The following NEO1 variants were observed in gnomAD, a reference collection of about 807,000 sequenced individuals.
NEO1 encodes neogenin.
NEO1 carries 63 observed loss-of-function variants against 159.7 expected under a neutral mutation model. The ratio of observed to expected loss-of-function variants is 0.39; its 90% CI spans 0.32 to 0.49. NEO1 has a LOEUF of 0.49. Among genes scored for constraint, NEO1 ranks in the 20% least tolerant of loss-of-function variants. The pLI, the probability that NEO1 is intolerant of heterozygous loss-of-function variation, is 0.85. For missense variants in NEO1, 1,615 were observed against 1,831.0 expected (o/e 0.88, Z 2.15); for synonymous variants, 633 against 662.0 (o/e 0.96, Z 0.67).
At chr15:73,153,510 C>G (rs1310876537) in intron 5 of NEO1, among the ~76,000 whole-genome samples, 1 of 152,194 alleles carries the variant, frequency 6.6e-6, no homozygotes, top group Non-Finnish European at 1.5e-5. Flanking sequence ...TACCTGAAAT[C>G]TGGGTCAAAG....
chr15:73,237,934 C>T (rs1185075515), intron 8 of NEO1, among the ~76,000 whole-genome samples: 1 of 152,206 alleles, frequency 6.6e-6, no homozygotes, highest in Admixed American at 6.5e-5. Context: ...ATTTTCCTCA[C>T]ATGAGTTACA....
In NEO1 at chr15:73,273,860, G is replaced by GGAAACA; in HGVS notation, c.3016_3017insAAACAG (p.Trp1005_Val1006insGluThr). On this transcript the variant is annotated inframe_insertion, in exon 20 of 29. Transcript: ENST00000261908. ...ATGTGAATGCAGAGATACATGACTG[G>GGAAACA]GTTATTGAGCCTGTTGTGGGAAACA... The GGAAACA allele has an allele frequency of 6.2e-7, 1 of 1,614,106 alleles. No homozygotes were observed. The highest frequency in any genetic ancestry group is 8.5e-7 in the Non-Finnish European group (1 of 1,179,990).
At chr15:73,056,336 A>C (rs2067695054) in intron 1 of NEO1, among the ~76,000 whole-genome samples, 1 of 152,178 alleles carries the variant, frequency 6.6e-6, no homozygotes, top group Admixed American at 6.5e-5. Context: ...ATTTTTCTCT[A>C]CCAGCTTTCT....
Position 73,254,751 on chromosome 15 carries a change from C to G in NEO1, c.2014C>G (p.Arg672Gly). The change falls in exon 13 of 29, where the codon CGC becomes GGC. Residue 672 changes from arginine (R) to glycine (G), a missense_variant. This residue lies in a region of NEO1 where 1,018 missense variants were observed against 1,115.4 expected (regional missense o/e 0.91). Coordinates refer to ENST00000261908, the MANE Select transcript of NEO1 (RefSeq NM_002499.4). The part of the protein sequence containing the change: ...QNGQITGYKI[R>G]YRKASRKSDV... Reference sequence around the variant, plus strand: ...TGGGCAGATTACTGGCTACAAGATTCGCTACCGAAAGGCCTCCCGAAAGAG... The same window carrying G: ...TGGGCAGATTACTGGCTACAAGATTGGCTACCGAAAGGCCTCCCGAAAGAG... The G allele has an allele frequency of 1.2e-6, 2 of 1,614,058 alleles. No homozygotes were observed. Among genetic ancestry groups the G allele is most frequent in the Non-Finnish European group, 1.7e-6 (2 of 1,179,982 alleles).
At position 73,260,398 on chromosome 15, in the gene NEO1, T is replaced by C. The variant is rs2040569436; in HGVS notation, c.2331T>C (p.Ile777=). 1.9e-6 allele frequency: 3 copies of C among 1,613,946 alleles called. No individual in the cohort carries two copies. Among genetic ancestry groups the C allele is most frequent in the Non-Finnish European group, 2.5e-6 (3 of 1,179,976 alleles). ...GAGGTTACGCCATTGGTTATGGCAT[T>C]GGCAGCCCTCATGCCCAGACCATCA... ...VVRGYAIGYG[I]GSPHAQTIKV... is the part of the protein sequence containing the mutation. The change falls in exon 15 of 29, where the codon ATT becomes ATC. Residue 777 remains isoleucine (I), a synonymous_variant. Coordinates refer to ENST00000261908, the MANE Select transcript of NEO1 (RefSeq NM_002499.4).
intron 1 of NEO1, among the ~76,000 whole-genome samples, chr15:73,095,716 T>G (rs1260028178): frequency 6.6e-6 from 1 of 152,084 alleles, no homozygotes; most frequent in Non-Finnish European, 1.5e-5. Flanking sequence ...TCAACAGATT[T>G]GACCATTTCA....
chr15:73,195,257 G>A (rs1295144801), intron 7 of NEO1, among the ~76,000 whole-genome samples: 3 of 152,318 alleles, frequency 2.0e-5, no homozygotes, highest in Non-Finnish European at 1.5e-5. Context: ...AAGGAAGATA[G>A]TATGTCTGAA....
rs1467977449 is a variant in NEO1 at position 73,299,788 on chromosome 15, A to G, written c.4165+1177A>G. On this transcript the variant is annotated intron_variant, in intron 27 of 28. Transcript: ENST00000261908. ...TAATAGAAGACAGCTGGATTTTCCTATCTGCTTCTGCATTCAATCTGTTGC... is the reference window on the plus strand; with the variant it reads ...TAATAGAAGACAGCTGGATTTTCCTGTCTGCTTCTGCATTCAATCTGTTGC... 5 of 152,358 alleles carry G rather than the reference A, an allele frequency of 3.3e-5. No individual in the cohort carries two copies. The South Asian group carries it at 8.3e-4, about 25-fold the overall frequency. 9.4% of individuals were successfully genotyped at this position (152,358 alleles called of 1,614,324 possible).
At chr15:73,296,203 C>T (rs1330548761) in intron 26 of NEO1, among the ~76,000 whole-genome samples, 1 of 152,138 alleles carries the variant, frequency 6.6e-6, no homozygotes, top group Non-Finnish European at 1.5e-5. Context: ...GGCCGGTTTG[C>T]CCAGAGCTGA....
intron 22 of NEO1, among the ~76,000 whole-genome samples, chr15:73,281,570 T>A (rs898681102): frequency 1.5e-4 from 23 of 152,142 alleles, no homozygotes; most frequent in African/African-American, 4.6e-4. Flanking sequence ...GATTTTTTTT[T>A]AAAACACACA....
intron 5 of NEO1, among the ~76,000 whole-genome samples, chr15:73,142,941 G>T (rs189216489): frequency 3.3e-5 from 5 of 152,120 alleles, no homozygotes; most frequent in South Asian, 2.1e-4. Flanking sequence ...AAACTAGATC[G>T]AAAAGACTGA....
In NEO1 at chr15:73,135,761, T is replaced by C. The variant is rs943882570; in HGVS notation, c.879-130T>C. Reference sequence around the variant, plus strand: ...AAATTCTGGTAATTTTATATTAGTCTTGGTTCATCTATAGCTATATAAATA... The same window carrying C: ...AAATTCTGGTAATTTTATATTAGTCCTGGTTCATCTATAGCTATATAAATA... On this transcript the variant is annotated intron_variant, in intron 4 of 28. Transcript: ENST00000261908. 10 of 796,042 alleles carry C rather than the reference T, an allele frequency of 1.3e-5. No individual in the cohort carries two copies. In the Admixed American group the frequency reaches 4.0e-4, roughly 32 times the overall value. 49.3% of individuals were successfully genotyped at this position (796,042 alleles called of 1,614,324 possible). A position where few individuals can be genotyped will look rare whatever the true frequency, so the allele number is the denominator to read the frequency against.
intron 10 of NEO1, 32 bp downstream of exon 10, chr15:73,249,240 A>C: frequency 1.2e-6 from 2 of 1,610,048 alleles, no homozygotes; most frequent in Non-Finnish European, 1.7e-6. Context: ...CAAACCATTG[A>C]TTGGAATAGT....
intron 5 of NEO1, among the ~76,000 whole-genome samples, chr15:73,175,963 G>T (rs760598853): frequency 6.6e-6 from 1 of 152,104 alleles, no homozygotes; most frequent in Non-Finnish European, 1.5e-5. Flanking sequence ...CTAATGTGAC[G>T]TTTATTTTAC....
In NEO1 at chr15:73,175,157, A is replaced by G. The variant is rs542564024; in HGVS notation, c.1016-1246A>G. ...TAAATAAATCTGTCTCTACTCACAT[A>G]CAAGCATGATTGTCTATGTAGATAA... On this transcript the variant is annotated intron_variant, in intron 5 of 28. Coordinates refer to ENST00000261908, the MANE Select transcript of NEO1 (RefSeq NM_002499.4). 9.0e-4 allele frequency among the ~76,000 whole-genome samples: 137 copies of G among 152,322 alleles called. 1 individual carries two copies. Among genetic ancestry groups the G allele is most frequent in the African/African-American group, 3.2e-3 (132 of 41,566 alleles).
chr15:73,056,259 ATGC>A (rs1316590433), intron 1 of NEO1, among the ~76,000 whole-genome samples: 1 of 152,210 alleles, frequency 6.6e-6, no homozygotes, highest in Non-Finnish European at 1.5e-5. Flanking sequence ...GCCTTTGCAC[ATGC>A]TGTTCTTTCT....
Position 73,270,089 on chromosome 15 carries a change from G to C in NEO1, c.2574G>C (p.Val858=). The change falls in exon 17 of 29, where the codon GTG becomes GTC. Residue 858 remains valine (V), a synonymous_variant. Coordinates refer to ENST00000261908, the MANE Select transcript of NEO1 (RefSeq NM_002499.4). The part of the protein sequence containing the change: ...VPDPTPMMPP[V]GVQASILSHD... ...ATCCCACTCCCATGATGCCACCAGT[G>C]GGAGTTCAGGCTTCCATTCTGAGTC... 1.2e-6 allele frequency: 2 copies of C among 1,614,126 alleles called. No individual in the cohort carries two copies. Among genetic ancestry groups the C allele is most frequent in the Non-Finnish European group, 1.7e-6 (2 of 1,180,022 alleles).
chr15:73,173,639 T>A (rs1319204568), intron 5 of NEO1, among the ~76,000 whole-genome samples: 1 of 152,208 alleles, frequency 6.6e-6, no homozygotes, highest in Non-Finnish European at 1.5e-5. Flanking sequence ...AGAGAACTTA[T>A]AAATTTTACC....
chr15:73,259,984 T>C (rs375422334), intron 14 of NEO1, among the ~76,000 whole-genome samples: 20 of 152,268 alleles, frequency 1.3e-4, no homozygotes, highest in South Asian at 1.0e-3. Flanking sequence ...TTTTTCTCCA[T>C]TGGGGCAGAA....
Sources: gnomAD v4.1 joint callset for allele counts (sites outside exome capture counted in the v4.1 genomes callset) on GRCh38, gnomAD v4.1.1 for gene constraint, gnomAD v4.1.1 regional missense constraint, MANE v1.5 for transcripts, NCBI Gene and HGNC (gene_info 2026-07-23, HGNC 2026-07-21) for gene names.